The following MARK3 variants were observed in gnomAD, a reference collection of about 807,000 sequenced individuals.
MARK3 encodes the protein MAP/microtubule affinity-regulating kinase 3.
A neutral mutation model predicts 90.1 loss-of-function variants in MARK3; 46 were observed. The observed-to-expected ratio is 0.51, with a 90% confidence interval of 0.40 to 0.65. MARK3 has a LOEUF of 0.65. Ranked by LOEUF, MARK3 falls within the 30% of genes least tolerant of loss-of-function variation. The pLI, the probability that MARK3 is intolerant of heterozygous loss-of-function variation, is 0.00. For synonymous variants in MARK3, 321 were observed against 332.6 expected (o/e 0.97, Z 0.38); for missense variants, 818 against 947.2 (o/e 0.86, Z 1.79).
intron 6 of MARK3, among the ~76,000 whole-genome samples, chr14:103,457,813 T>G (rs2141429520): frequency 6.6e-6 from 1 of 152,374 alleles, no homozygotes; most frequent in Non-Finnish European, 1.5e-5. Context: ...CCTTGTGAGT[T>G]AAGGACTGTT....
chr14:103,398,504 A>T (rs2090733523), intron 1 of MARK3, among the ~76,000 whole-genome samples: 1 of 152,166 alleles, frequency 6.6e-6, no homozygotes, highest in African/African-American at 2.4e-5. Context: ...AAGGACAGAC[A>T]TCCCATTCTA....
intron 17 of MARK3, 56 bp downstream of exon 17, chr14:103,500,256 G>A: frequency 7.7e-7 from 1 of 1,292,238 alleles, no homozygotes; most frequent in Non-Finnish European, 1.1e-6. Flanking sequence ...TCATTTCTGT[G>A]GCAGAGGCGA....
intron 5 of MARK3, among the ~76,000 whole-genome samples, chr14:103,453,682 C>T (rs1167371208): frequency 6.6e-6 from 1 of 152,156 alleles, no homozygotes; most frequent in African/African-American, 2.4e-5. Context: ...GACCAAAAAG[C>T]TTTATGGAGT....
chr14:103,411,451 C>T (rs1282326139), intron 2 of MARK3, among the ~76,000 whole-genome samples: 1 of 152,130 alleles, frequency 6.6e-6, no homozygotes, highest in Non-Finnish European at 1.5e-5. Flanking sequence ...CATCAGTTCT[C>T]TCCCAACAAT....
intron 13 of MARK3, 90 bp downstream of exon 13, chr14:103,475,300 C>A: frequency 4.7e-6 from 5 of 1,064,354 alleles, no homozygotes; most frequent in East Asian, 2.4e-5. Flanking sequence ...TGTGGTCTCT[C>A]GTACTGGAAT....
intron 6 of MARK3, among the ~76,000 whole-genome samples, chr14:103,459,562 C>T (rs1347733104): frequency 1.3e-5 from 2 of 151,984 alleles, no homozygotes; most frequent in Admixed American, 6.6e-5. Context: ...TGCAGTGGCC[C>T]GATCTCAGCT....
intron 3 of MARK3, among the ~76,000 whole-genome samples, chr14:103,440,427 G>T (rs1215483732): frequency 6.6e-6 from 1 of 152,172 alleles, no homozygotes; most frequent in Non-Finnish European, 1.5e-5. Flanking sequence ...TCCATCAGTA[G>T]TGTGTAAGAG....
intron 6 of MARK3, among the ~76,000 whole-genome samples, chr14:103,460,380 G>A (rs374516460): frequency 1.1e-4 from 17 of 151,888 alleles, no homozygotes; most frequent in East Asian, 3.9e-4. Context: ...CCACGCGCCC[G>A]GCACAGCTCC....
In MARK3 at chr14:103,483,623, A is replaced by T. The variant is rs191989572; in HGVS notation, c.1586+3133A>T. Among the ~76,000 whole-genome samples, 5 of 152,358 alleles carry T rather than the reference A, an allele frequency of 3.3e-5. No homozygotes were observed. The East Asian group carries it at 9.6e-4, about 29-fold the overall frequency. ...CTGTGGGAACAATAAAGTTAATGAC[A>T]CAGGGAGCATAGGTTAGGGCCAGTT... On this transcript the variant is annotated intron_variant, in intron 14 of 17. Coordinates refer to ENST00000429436, the MANE Select transcript of MARK3 (RefSeq NM_001128918.3).
chr14:103,493,039 T>A (rs1367507342), intron 15 of MARK3, among the ~76,000 whole-genome samples: 1 of 152,124 alleles, frequency 6.6e-6, no homozygotes, highest in Non-Finnish European at 1.5e-5. Context: ...TAGGAGTCTT[T>A]CCCGAGTCTG....
chr14:103,448,704 A>G (rs527358200), intron 3 of MARK3, among the ~76,000 whole-genome samples: 95 of 152,312 alleles, frequency 6.2e-4, no homozygotes, highest in Non-Finnish European at 1.2e-3. Context: ...TTTTTAATAA[A>G]TGGAAGCATT....
At chr14:103,449,299 G>A (rs34606394) in intron 4 of MARK3, among the ~76,000 whole-genome samples, 42,671 of 150,990 alleles carry the variant, frequency 0.28, 7,159 homozygotes, top group Non-Finnish European at 0.36. Context: ...AAAGGGGCTG[G>A]GCACAGTGGC....
chr14:103,420,705 G>A (rs1230549116), intron 2 of MARK3, among the ~76,000 whole-genome samples: 1 of 151,980 alleles, frequency 6.6e-6, no homozygotes, highest in African/African-American at 2.4e-5. Flanking sequence ...TTCTATATTT[G>A]CAAATTTACC....
At chr14:103,486,581 CTA>C (rs1214249495) in intron 14 of MARK3, among the ~76,000 whole-genome samples, 1 of 152,078 alleles carries the variant, frequency 6.6e-6, no homozygotes, top group African/African-American at 2.4e-5. Flanking sequence ...GGAAATAAAA[CTA>C]TCATTTTTAA....
At chr14:103,447,249 T>C (rs2093019463) in intron 3 of MARK3, among the ~76,000 whole-genome samples, 1 of 152,098 alleles carries the variant, frequency 6.6e-6, no homozygotes. Context: ...CAGTGAACTA[T>C]GATCACACCA....
chr14:103,446,523 A>G (rs2092998244), intron 3 of MARK3, among the ~76,000 whole-genome samples: 2 of 152,188 alleles, frequency 1.3e-5, no homozygotes, highest in South Asian at 2.1e-4. Context: ...CTCCGTCTCA[A>G]AAATAAATAA....
chr14:103,414,206 C>CTTT (rs58495929), intron 2 of MARK3, among the ~76,000 whole-genome samples: 1 of 140,630 alleles, frequency 7.1e-6, no homozygotes, highest in African/African-American at 2.6e-5. Context: ...TCTTTTCTTT[C>CTTT]TTTTTTTTTT....
Position 103,468,143 on chromosome 14 carries a change from A to G in MARK3, c.1221A>G (p.Arg407=). The part of the protein sequence containing the change: ...TGQSPHHKVQ[R]SVSSSQKQRR... ...AGTCTCCTCACCACAAAGTGCAGAGAAGTGTTTCTTCAAGCCAAAAGCAAA... is the reference window on the plus strand; with the variant it reads ...AGTCTCCTCACCACAAAGTGCAGAGGAGTGTTTCTTCAAGCCAAAAGCAAA... The change falls in exon 12 of 18, where the codon AGA becomes AGG. Residue 407 remains arginine, a synonymous_variant. Coordinates refer to ENST00000429436, the MANE Select transcript of MARK3 (RefSeq NM_001128918.3). The G allele has an allele frequency of 1.9e-6, 3 of 1,613,812 alleles. No individual in the cohort carries two copies. The highest frequency in any genetic ancestry group is 2.2e-5 in the South Asian group (2 of 91,062).
At position 103,392,844 on chromosome 14, in the gene MARK3, ACT is replaced by A. The variant is rs1404921195; in HGVS notation, c.51+6765_51+6766del. Reference sequence around the variant, plus strand: ...TAAATTTCCTGAGGCGGAGTCTCACACTGTTACCTGGGCTGGAGTGCAGTGGC... The same window carrying A: ...TAAATTTCCTGAGGCGGAGTCTCACAGTTACCTGGGCTGGAGTGCAGTGGC... On this transcript the variant is annotated intron_variant, in intron 1 of 17. Coordinates refer to ENST00000429436, the MANE Select transcript of MARK3 (RefSeq NM_001128918.3). 1.7e-4 allele frequency among the ~76,000 whole-genome samples: 25 copies of A among 151,376 alleles called. No homozygotes were observed. The East Asian group carries it at 4.3e-3, about 26-fold the overall frequency.
Sources: gnomAD v4.1 joint callset for allele counts (sites outside exome capture counted in the v4.1 genomes callset) on GRCh38, gnomAD v4.1.1 for gene constraint, MANE v1.5 for transcripts, NCBI Gene and HGNC (gene_info 2026-07-23, HGNC 2026-07-21) for gene names.